The following LOXHD1 variants were observed in gnomAD, a reference collection of about 807,000 sequenced individuals.
The protein encoded by LOXHD1 is lipoxygenase homology PLAT domains 1, also known as lipoxygenase homology domain-containing protein 1.
Under a neutral mutation model 248.2 loss-of-function variants are expected in LOXHD1, and 205 were observed. The ratio of observed to expected loss-of-function variants is 0.83; its 90% CI spans 0.74 to 0.93. The LOEUF (loss-of-function observed/expected upper bound fraction) is 0.93. LOXHD1 is among the 40% of genes least tolerant of loss of function. The pLI is 0.00. For missense variants in LOXHD1, 2,930 were observed against 2,971.6 expected (o/e 0.99, Z 0.33); for synonymous variants, 1,113 against 1,162.8 (o/e 0.96, Z 0.87).
intron 27 of LOXHD1, 45 bp downstream of exon 27, chr18:46,534,290 G>T: frequency 1.4e-6 from 2 of 1,428,776 alleles, no homozygotes; most frequent in African/African-American, 1.4e-5. Context: ...ACCTGCTCTG[G>T]AAAGGGACAA....
intron 34 of LOXHD1, among the ~76,000 whole-genome samples, chr18:46,510,855 T>A (rs1342887929): frequency 1.3e-5 from 2 of 152,164 alleles, no homozygotes; most frequent in Non-Finnish European, 2.9e-5. Flanking sequence ...TCCCTCCTCC[T>A]CTAATTGAAG....
At chr18:46,498,359 A>G (rs529216722) in intron 37 of LOXHD1, among the ~76,000 whole-genome samples, 268 of 152,328 alleles carry the variant, frequency 1.8e-3, no homozygotes, top group Non-Finnish European at 3.1e-3. Flanking sequence ...TTGAGACCCT[A>G]GGGAAGTCTT....
chr18:46,547,275 C>G (rs1024691909), intron 21 of LOXHD1, among the ~76,000 whole-genome samples: 2 of 152,168 alleles, frequency 1.3e-5, no homozygotes, highest in Admixed American at 1.3e-4. Context: ...GCTCTAGACA[C>G]TCCATTGAAA....
chr18:46,584,774 C>T (rs1357553420), intron 12 of LOXHD1, among the ~76,000 whole-genome samples: 2 of 152,088 alleles, frequency 1.3e-5, no homozygotes, highest in Non-Finnish European at 2.9e-5. Context: ...AAGAAAACTA[C>T]AGACCAATAT....
At chr18:46,611,011 C>G in intron 5 of LOXHD1, 87 bp from the exon 6 acceptor site, 1 of 1,485,310 alleles carries the variant, frequency 6.7e-7, no homozygotes, top group South Asian at 1.3e-5. Flanking sequence ...CTGAAAGATG[C>G]TCTTCCAAAG....
rs915976600 is a variant in LOXHD1, at chr18:46,477,460, G to T, written c.*12C>A. On this transcript the variant is annotated 3_prime_UTR_variant, in exon 41 of 41. Coordinates refer to ENST00000642948, the MANE Select transcript of LOXHD1 (RefSeq NM_001384474.1). Reference sequence around the variant, plus strand: ...TGGGGCATCTCAGTGAGAGGGTGGGGGCCCTAGCCCCTCAGACAGAAGGGA... The same window carrying T: ...TGGGGCATCTCAGTGAGAGGGTGGGTGCCCTAGCCCCTCAGACAGAAGGGA... The T allele has an allele frequency of 4.0e-5, 62 of 1,541,984 alleles. No individual in the cohort carries two copies. Among genetic ancestry groups the T allele is most frequent in the Non-Finnish European group, 5.1e-5 (58 of 1,140,740 alleles).
intron 21 of LOXHD1, chr18:46,555,210 T>A (rs2143941724): frequency 2.1e-6 from 1 of 470,568 alleles, no homozygotes; most frequent in Admixed American, 2.4e-5. Context: ...CTTTCCAAGC[T>A]TAAATGCCTT....
intron 33 of LOXHD1, chr18:46,519,092 TG>T: frequency 1.0e-6 from 1 of 985,512 alleles, no homozygotes; most frequent in Non-Finnish European, 1.2e-6. Flanking sequence ...GGCAGCCTCG[TG>T]GCAAGAGAAA....
At chr18:46,492,676 CA>C (rs1477605469) in intron 37 of LOXHD1, among the ~76,000 whole-genome samples, 4 of 152,212 alleles carry the variant, frequency 2.6e-5, no homozygotes, top group Middle Eastern at 6.3e-3. Context: ...CATTGCTTTA[CA>C]AAGTCTCCTC....
At chr18:46,638,964 C>T (rs953943469) in intron 4 of LOXHD1, among the ~76,000 whole-genome samples, 1 of 152,176 alleles carries the variant, frequency 6.6e-6, no homozygotes, top group Admixed American at 6.5e-5. Flanking sequence ...GGTGATGGTG[C>T]CGGCAATGTA....
intron 4 of LOXHD1, among the ~76,000 whole-genome samples, chr18:46,619,202 T>A (rs1409866563): frequency 6.6e-6 from 1 of 152,210 alleles, no homozygotes; most frequent in East Asian, 1.9e-4. Flanking sequence ...GGCTTCATAT[T>A]TTTTATGTAG....
intron 6 of LOXHD1, among the ~76,000 whole-genome samples, chr18:46,605,658 C>G (rs990448766): frequency 6.6e-5 from 10 of 152,122 alleles, no homozygotes; most frequent in African/African-American, 2.4e-4. Context: ...TATACCAGGA[C>G]AGTACCATCC....
intron 1 of LOXHD1, among the ~76,000 whole-genome samples, chr18:46,651,797 T>A (rs1369913336): frequency 6.6e-6 from 1 of 151,780 alleles, no homozygotes; most frequent in East Asian, 1.9e-4. Flanking sequence ...AATCAATAAG[T>A]AAAGGAGGGA....
intron 18 of LOXHD1, 127 bp from the exon 19 acceptor site, chr18:46,560,672 G>A (rs2037507436): frequency 7.0e-6 from 6 of 862,758 alleles, no homozygotes; most frequent in South Asian, 1.8e-5. Context: ...GAGGGCTGGG[G>A]CCTCTGTGCT....
rs577685282 is a variant in LOXHD1, at chr18:46,509,947, G to A, written c.5400-132C>T. ...TTACTCAGCAGCCCCTCTGCTCTCA[G>A]CAACTCTCCACCAGCCCATCTCTTG... On this transcript the variant is annotated intron_variant, in intron 34 of 40. Coordinates refer to ENST00000642948, the MANE Select transcript of LOXHD1 (RefSeq NM_001384474.1). 5.7e-5 allele frequency: 39 copies of A among 684,288 alleles called. No homozygotes were observed. In the South Asian group the frequency reaches 6.5e-4, roughly 11 times the overall value. The allele number at this position is 684,288 out of a possible 1,614,324, so 42.4% of individuals were successfully genotyped here. A position where few individuals can be genotyped will look rare whatever the true frequency, so the allele number is the denominator to read the frequency against.
rs569495670 is a variant in LOXHD1 at position 46,538,177 on chromosome 18, A to T, written c.4074T>A (p.Ser1358=). The change falls in exon 26 of 41, where the codon TCT becomes TCA. Residue 1358 remains serine, a synonymous_variant. Coordinates refer to ENST00000642948, the MANE Select transcript of LOXHD1 (RefSeq NM_001384474.1). The part of the protein sequence containing the change: ...REQKQFFERK[S]ASRFIVELED... Reference sequence around the variant, plus strand: ...GTACCTCTACGATGAAGCGGGAGGCAGACTTCCTCTCAAAGAACTGCTTCT... The same window carrying T: ...GTACCTCTACGATGAAGCGGGAGGCTGACTTCCTCTCAAAGAACTGCTTCT... 6.5e-7 allele frequency: 1 copy of T among 1,532,956 alleles called. No homozygotes were observed. Among genetic ancestry groups the T allele is most frequent in the East Asian group, 2.5e-5 (1 of 40,292 alleles). 95.0% of individuals were successfully genotyped at this position (1,532,956 alleles called of 1,614,324 possible).
chr18:46,477,833 A>G lies in LOXHD1; in HGVS notation c.6461T>C (p.Val2154Ala). ...TGTTGTCACGATGACTTCGTACTTG[A>G]CGGGCACCAGGCTCTGGACCTTGCT... is the stretch of plus-strand genomic sequence containing the variant. ...FASKVQSLVP[V>A]KYEVIVTTGY... The change falls in exon 41 of 41, where the codon GTC becomes GCC. Residue 2154 changes from valine (V) to alanine (A), a missense_variant. Val to Ala is a moderately conservative substitution (Grantham distance 64). Coordinates refer to ENST00000642948, the MANE Select transcript of LOXHD1 (RefSeq NM_001384474.1). 6.4e-7 allele frequency: 1 copy of G among 1,551,782 alleles called. No homozygotes were observed. Among genetic ancestry groups the G allele is most frequent in the Non-Finnish European group, 8.7e-7 (1 of 1,147,012 alleles).
intron 37 of LOXHD1, among the ~76,000 whole-genome samples, chr18:46,493,782 G>C (rs2033651213): frequency 6.6e-6 from 1 of 152,222 alleles, no homozygotes; most frequent in Admixed American, 6.5e-5. Flanking sequence ...GCTCCCTAGA[G>C]TTTAACATGC....
In LOXHD1 at chr18:46,601,312, A is replaced by C. The variant is rs2038334015; in HGVS notation, c.1039T>G (p.Phe347Val). 6.4e-7 allele frequency: 1 copy of C among 1,551,690 alleles called. No homozygotes were observed. Among genetic ancestry groups the C allele is most frequent in the African/African-American group, 1.4e-5 (1 of 73,148 alleles). The change falls in exon 8 of 41, where the codon TTC becomes GTC. Residue 347 changes from phenylalanine to valine, a missense_variant. By Grantham distance (50) the Phe-to-Val change is conservative. Transcript: ENST00000642948. ...GVFDRGRTDI[F>V]HIELAVLLSP... ...AGGAGGACAGCCAGCTCGATGTGGA[A>C]GATGTCCGTGCGGCCTCGGTCAAAC...
Sources: gnomAD v4.1 joint callset for allele counts (sites outside exome capture counted in the v4.1 genomes callset) on GRCh38, gnomAD v4.1.1 for gene constraint, MANE v1.5 for transcripts, NCBI Gene and HGNC (gene_info 2026-07-23, HGNC 2026-07-21) for gene names.